The following KIF26B variants were observed in gnomAD, a reference collection of about 807,000 sequenced individuals.
KIF26B encodes the protein kinesin family member 26B, also known as kinesin-like protein KIF26B.
In KIF26B, 63 loss-of-function variants were observed where a neutral mutation model predicts 151.2. The observed-to-expected ratio is 0.42, with a 90% CI of 0.34 to 0.51. KIF26B has a LOEUF of 0.51. Among genes scored for constraint, KIF26B ranks in the 20% least tolerant of loss-of-function variants. KIF26B has a pLI of 0.07. For synonymous variants in KIF26B, 1,357 were observed against 1,262.1 expected, an observed-to-expected ratio of 1.08 and a Z score of -1.59; for missense variants, 2,813 against 2,913.6, an observed-to-expected ratio of 0.97 and a Z score of 0.79.
intron 2 of KIF26B, among the ~76,000 whole-genome samples, chr1:245,262,781 T>G (rs1450544737): frequency 6.6e-6 from 1 of 152,174 alleles, no homozygotes; most frequent in African/African-American, 2.4e-5. Flanking sequence ...TGAGAGACTC[T>G]TGAGTCTTTC....
chr1:245,548,323 T>G (rs1661795905), intron 5 of KIF26B, among the ~76,000 whole-genome samples: 1 of 152,000 alleles, frequency 6.6e-6, no homozygotes, highest in African/African-American at 2.4e-5. Flanking sequence ...GAAGTCTTGA[T>G]GGGGCGCTGA....
At chr1:245,518,753 C>T (rs1055559736) in intron 4 of KIF26B, among the ~76,000 whole-genome samples, 12 of 152,138 alleles carry the variant, frequency 7.9e-5, no homozygotes, top group South Asian at 6.2e-4. Context: ...CGAGTCAGAA[C>T]GCCGCGGTGG....
intron 2 of KIF26B, among the ~76,000 whole-genome samples, chr1:245,277,979 G>A (rs182477659): frequency 2.6e-5 from 4 of 152,182 alleles, no homozygotes; most frequent in East Asian, 3.9e-4. Flanking sequence ...TTTCACTGAC[G>A]GCTCATGGCA....
intron 3 of KIF26B, 78 bp from the exon 4 acceptor site, chr1:245,419,501 A>T: frequency 7.1e-7 from 1 of 1,407,776 alleles, no homozygotes; most frequent in South Asian, 1.4e-5. Context: ...TCCCTCCCCC[A>T]AATAGAGAGA....
intron 2 of KIF26B, among the ~76,000 whole-genome samples, chr1:245,309,391 T>C (rs1218233664): frequency 4.6e-5 from 7 of 152,064 alleles, no homozygotes; most frequent in African/African-American, 1.7e-4. Context: ...CAGATGGAAG[T>C]CCTCTTGCCT....
intron 10 of KIF26B, among the ~76,000 whole-genome samples, chr1:245,659,560 C>T (rs1230984194): frequency 6.6e-6 from 1 of 152,102 alleles, no homozygotes; most frequent in East Asian, 1.9e-4. Context: ...ATTTGCTCTA[C>T]CGGGTTATTT....
intron 4 of KIF26B, chr1:245,511,238 G>C (rs1232686562): frequency 1.5e-6 from 1 of 670,710 alleles, no homozygotes; most frequent in African/African-American, 1.8e-5. Context: ...AAAATAAAAT[G>C]CATAAACCAT....
chr1:245,544,019 G>A (rs1398180277), intron 5 of KIF26B, among the ~76,000 whole-genome samples: 1 of 152,122 alleles, frequency 6.6e-6, no homozygotes, highest in African/African-American at 2.4e-5. Context: ...AGAGCATCTG[G>A]TTCTTCCATT....
chr1:245,611,032 G>A (rs576867915), intron 8 of KIF26B, among the ~76,000 whole-genome samples: 11 of 152,268 alleles, frequency 7.2e-5, no homozygotes, highest in South Asian at 2.1e-4. Flanking sequence ...TAATGTGATC[G>A]TTGTGATTCA....
intron 2 of KIF26B, among the ~76,000 whole-genome samples, chr1:245,193,052 C>A (rs1159288622): frequency 6.6e-6 from 1 of 152,232 alleles, no homozygotes; most frequent in East Asian, 1.9e-4. Flanking sequence ...ACCCTCCACC[C>A]TCAAAGTAGG....
At chr1:245,312,626 G>C (rs565183804) in intron 2 of KIF26B, among the ~76,000 whole-genome samples, 1 of 152,170 alleles carries the variant, frequency 6.6e-6, no homozygotes, top group African/African-American at 2.4e-5. Flanking sequence ...CTTAAGGTGG[G>C]GGTGGGCGGT....
intron 12 of KIF26B, among the ~76,000 whole-genome samples, chr1:245,692,671 C>T (rs906212820): frequency 6.6e-6 from 1 of 152,274 alleles, no homozygotes; most frequent in East Asian, 1.9e-4. Flanking sequence ...CTGGGAGCTA[C>T]AAGAACAGTA....
intron 9 of KIF26B, among the ~76,000 whole-genome samples, chr1:245,615,822 G>A (rs950030472): frequency 7.2e-5 from 11 of 152,192 alleles, no homozygotes; most frequent in African/African-American, 1.2e-4. Context: ...CGGCCTCCCC[G>A]CCTGGGACTC....
At chr1:245,361,268 G>A (rs1672812150) in intron 2 of KIF26B, among the ~76,000 whole-genome samples, 1 of 152,170 alleles carries the variant, frequency 6.6e-6, no homozygotes, top group African/African-American at 2.4e-5. Flanking sequence ...TCATGGGATC[G>A]CCTCTCCCTG....
At chr1:245,557,677 C>T (rs191868490) in intron 5 of KIF26B, among the ~76,000 whole-genome samples, 22 of 152,192 alleles carry the variant, frequency 1.4e-4, no homozygotes, top group South Asian at 1.2e-3. Context: ...AAGCTTCAGA[C>T]GCCTGTTCAA....
intron 12 of KIF26B, among the ~76,000 whole-genome samples, chr1:245,694,235 A>G (rs1335405805): frequency 6.6e-6 from 1 of 152,206 alleles, no homozygotes; most frequent in Non-Finnish European, 1.5e-5. Flanking sequence ...GTTCTTCATC[A>G]TGGAGCTGGC....
rs927942881 is a variant in KIF26B, at chr1:245,601,668, C to T, written c.1351-909C>T. Among the ~76,000 whole-genome samples, 1 of 152,058 alleles carries T rather than the reference C, an allele frequency of 6.6e-6. No homozygotes were observed. The highest frequency in any genetic ancestry group is 1.9e-4 in the East Asian group (1 of 5,196). On this transcript the variant is annotated intron_variant, in intron 5 of 14. Coordinates refer to ENST00000407071, the MANE Select transcript of KIF26B (RefSeq NM_018012.4). This position sits in a 1 kb window ranked among gnomAD's most constrained non-coding sequence, Gnocchi z 4.4. ...CAGTGCCCAGCACATAGTAGGTGCT[C>T]AAAAAAAGTGCCCATCATTTGTTGG...
intron 4 of KIF26B, among the ~76,000 whole-genome samples, chr1:245,426,850 G>T (rs1375227357): frequency 6.6e-6 from 1 of 152,172 alleles, no homozygotes; most frequent in African/African-American, 2.4e-5. Context: ...CATTATTGCC[G>T]CACTCTCGCT....
chr1:245,386,670 TAAAC>T (rs1673554041), intron 3 of KIF26B, among the ~76,000 whole-genome samples: 1 of 152,190 alleles, frequency 6.6e-6, no homozygotes, highest in Non-Finnish European at 1.5e-5. Context: ...ATTTCCTCCT[TAAAC>T]AACCTCCTAT....
Sources: allele counts gnomAD v4.1 joint callset (sites outside exome capture counted in the v4.1 genomes callset), GRCh38; gene constraint gnomAD v4.1.1; non-coding constraint Gnocchi (gnomAD v3.1); transcripts MANE v1.5; gene names NCBI Gene and HGNC (gene_info 2026-07-23, HGNC 2026-07-21).